ALMS1: variants seen among roughly 807,000 people sequenced by gnomAD.
The protein encoded by ALMS1 is ALMS1 centrosome and basal body associated protein.
A neutral mutation model predicts 352.2 loss-of-function variants in ALMS1; 271 were observed. The ratio of observed to expected loss-of-function variants is 0.77; its 90% confidence interval spans 0.70 to 0.85. The LOEUF (loss-of-function observed/expected upper bound fraction) is 0.85, where lower values mean the gene tolerates loss of function less well. Among genes scored for constraint, ALMS1 ranks in the 40% least tolerant of loss-of-function variants. The probability of loss-of-function intolerance (pLI) is 0.00; values close to 1 mark genes in which losing one functional copy is unlikely to be tolerated. For missense variants in ALMS1, 5,445 were observed against 4,870.7 expected (o/e 1.12, Z -3.51); for synonymous variants, 1,865 against 1,761.2 (o/e 1.06, Z -1.48).
At position 73,544,380 on chromosome 2, in the gene ALMS1, G is replaced by A. The variant is rs182928763; in HGVS notation, c.9908-5887G>A. ...GGGCCTGTTGTGGGGTGGGGGAAGC[G>A]GGGAGGGATAGCATTAGGAGATATA... is the stretch of plus-strand genomic sequence containing the variant. On this transcript the variant is annotated intron_variant, in intron 12 of 22. Coordinates refer to ENST00000613296, the MANE Select transcript of ALMS1 (RefSeq NM_001378454.1). 1.2e-4 allele frequency among the ~76,000 whole-genome samples: 18 copies of A among 152,254 alleles called. No individual in the cohort carries two copies. In the East Asian group the frequency reaches 2.9e-3, roughly 24 times the overall value.
intron 9 of ALMS1, among the ~76,000 whole-genome samples, chr2:73,472,795 G>A (rs1270252935): frequency 1.3e-5 from 2 of 152,090 alleles, no homozygotes; most frequent in Middle Eastern, 3.4e-3. Context: ...AATTGTGATC[G>A]TTTTAACCTG....
At chr2:73,473,486 A>T (rs991384539) in intron 9 of ALMS1, among the ~76,000 whole-genome samples, 1 of 152,190 alleles carries the variant, frequency 6.6e-6, no homozygotes, top group Non-Finnish European at 1.5e-5. Flanking sequence ...ATAATATTCA[A>T]TATGTCCAGT....
rs753529210 is a variant in ALMS1 at position 73,450,756 on chromosome 2, C to T, written c.4229C>T (p.Ala1410Val). Residue 1410 changes from alanine (A) to valine (V), a missense_variant, in exon 8 of 23, where the codon GCG (alanine) becomes GTG (valine). Ala to Val is a moderately conservative substitution (Grantham distance 64, BLOSUM62 0). Transcript: ENST00000613296. ...ACTGAAGAGGCTAAGAACGTTTCAG[C>T]GGTTCCTGGACCAGGTGACCGGAAG... ...HLTEEAKNVS[A>V]VPGPGDRKTG... 26 of 1,613,070 alleles carry T rather than the reference C, an allele frequency of 1.6e-5. No homozygotes were observed. Among genetic ancestry groups the T allele is most frequent in the South Asian group, 8.8e-5 (8 of 91,052 alleles).
chr2:73,572,430 A>AT lies in ALMS1; in HGVS notation c.10554dup (p.Pro3519SerfsTer5), dbSNP rs766152189. The AT allele has an allele frequency of 6.2e-7, 1 of 1,613,516 alleles. No individual in the cohort carries two copies. Among genetic ancestry groups the AT allele is most frequent in the Non-Finnish European group, 8.5e-7 (1 of 1,179,896 alleles). On this transcript the variant is annotated frameshift_variant, in exon 16 of 23. Transcript: ENST00000613296. LOFTEE classifies it high-confidence loss of function. ...TCTTGGAAAGATTTCTTTCAGCATC[A>AT]TCCAGACAAACATAGAGAACACATG...
At chr2:73,580,376 A>G (rs1261422156) in intron 16 of ALMS1, among the ~76,000 whole-genome samples, 1 of 152,028 alleles carries the variant, frequency 6.6e-6, no homozygotes, top group East Asian at 1.9e-4. Flanking sequence ...TTTTCATTTT[A>G]GCTCTTGTAC....
intron 8 of ALMS1, 58 bp from the exon 9 acceptor site, chr2:73,455,104 T>C (rs1156855693): frequency 1.1e-5 from 18 of 1,580,572 alleles, no homozygotes; most frequent in Non-Finnish European, 1.5e-5. Context: ...TGTGTTGCAA[T>C]TGTTGACAAA....
At chr2:73,403,551 T>G (rs1670913896) in intron 1 of ALMS1, among the ~76,000 whole-genome samples, 1 of 152,144 alleles carries the variant, frequency 6.6e-6, no homozygotes, top group South Asian at 2.1e-4. Flanking sequence ...AGATTTTTTT[T>G]TCTATTTTTG....
In ALMS1 at chr2:73,568,995, C is replaced by CTTTTTTTTTTTTTTTT. The variant is rs747436819; in HGVS notation, c.10385-3245_10385-3230dup. Among the ~76,000 whole-genome samples the CTTTTTTTTTTTTTTTT allele has an allele frequency of 2.4e-4, 13 of 53,558 alleles. 4 individuals are homozygous for CTTTTTTTTTTTTTTTT. Among genetic ancestry groups the CTTTTTTTTTTTTTTTT allele is most frequent in the Non-Finnish European group, 4.1e-4 (12 of 29,536 alleles). The allele number at this position is 53,558 out of a possible 152,430, so 35.1% of individuals were successfully genotyped here. ...AGCTTGCTTGCTGCTGCTTCTGCTT[C>CTTTTTTTTTTTTTTTT]TTTTTTTTTTTTTTTTTTTTTTTTT... On this transcript the variant is annotated intron_variant, in intron 15 of 22. Transcript: ENST00000613296.
In ALMS1 at chr2:73,451,176, T is replaced by G. The variant is rs779968623; in HGVS notation, c.4649T>G (p.Val1550Gly). The G allele has an allele frequency of 1.4e-5, 22 of 1,613,790 alleles. No individual in the cohort carries two copies. Among genetic ancestry groups the G allele is most frequent in the Non-Finnish European group, 1.9e-5 (22 of 1,179,914 alleles). Residue 1550 changes from valine (V) to glycine (G), a missense_variant, in exon 8 of 23, where the codon GTT becomes GGT. Coordinates refer to ENST00000613296, the MANE Select transcript of ALMS1 (RefSeq NM_001378454.1). ...CAAATACCTGAAGAGGCTCTCAGAGTTTCTTCTGCTCCTGGACCAGCTGAC... is the reference window on the plus strand; with the variant it reads ...CAAATACCTGAAGAGGCTCTCAGAGGTTCTTCTGCTCCTGGACCAGCTGAC... ...GSQIPEEALR[V>G]SSAPGPADQT...
chr2:73,583,256 G>A (rs1304839208), intron 16 of ALMS1, among the ~76,000 whole-genome samples: 1 of 151,498 alleles, frequency 6.6e-6, no homozygotes, highest in East Asian at 1.9e-4. Context: ...TCGAGCTCCT[G>A]GGCTCAAGCA....
intron 11 of ALMS1, among the ~76,000 whole-genome samples, chr2:73,522,187 C>A (rs867251462): frequency 6.6e-6 from 1 of 152,146 alleles, no homozygotes; most frequent in Non-Finnish European, 1.5e-5. Flanking sequence ...TCAGGTCCAT[C>A]GCCATGTGAT....
At chr2:73,422,765 G>A in intron 3 of ALMS1, 92 bp from the exon 4 acceptor site, 2 of 983,124 alleles carry the variant, frequency 2.0e-6, no homozygotes, top group Non-Finnish European at 3.3e-6. Flanking sequence ...TTCTCCATAT[G>A]GCAGCATATG....
At chr2:73,506,138 T>C (rs750742258) in intron 10 of ALMS1, among the ~76,000 whole-genome samples, 6 of 152,188 alleles carry the variant, frequency 3.9e-5, no homozygotes, top group African/African-American at 1.4e-4. Context: ...CTCTGTTCCA[T>C]TGGTCTATGT....
chr2:73,485,634 T>G (rs1376593257), intron 9 of ALMS1, among the ~76,000 whole-genome samples: 2 of 152,224 alleles, frequency 1.3e-5, no homozygotes, highest in Non-Finnish European at 2.9e-5. Context: ...TTTGTTTACC[T>G]AAGCAAGCCT....
intron 16 of ALMS1, among the ~76,000 whole-genome samples, chr2:73,587,829 T>C (rs919091119): frequency 2.0e-5 from 3 of 152,106 alleles, no homozygotes; most frequent in Non-Finnish European, 4.4e-5. Context: ...AGAAACAAAA[T>C]GGGAGATATT....
intron 20 of ALMS1, 121 bp downstream of exon 20, chr2:73,602,489 G>C (rs749957953): frequency 8.1e-7 from 1 of 1,230,958 alleles, no homozygotes; most frequent in East Asian, 2.5e-5. Flanking sequence ...GTGACCTTTT[G>C]CTTGCCAAGA....
intron 16 of ALMS1, among the ~76,000 whole-genome samples, chr2:73,598,552 C>A (rs1210623855): frequency 6.6e-6 from 1 of 152,122 alleles, no homozygotes; most frequent in African/African-American, 2.4e-5. Context: ...TTATCTAGTT[C>A]AAGGGATCAG....
At chr2:73,401,588 T>G (rs1031831462) in intron 1 of ALMS1, among the ~76,000 whole-genome samples, 8 of 152,194 alleles carry the variant, frequency 5.3e-5, no homozygotes, top group Admixed American at 5.2e-4. Flanking sequence ...TGTATATATT[T>G]ATACATCATG....
Position 73,451,077 on chromosome 2 carries a change from C to A in ALMS1, c.4550C>A (p.Thr1517Asn). 2.5e-6 allele frequency: 4 copies of A among 1,613,936 alleles called. No homozygotes were observed. Among genetic ancestry groups the A allele is most frequent in the Non-Finnish European group, 2.5e-6 (3 of 1,179,968 alleles). Residue 1517 changes from threonine to asparagine, a missense_variant, in exon 8 of 23, where the codon ACT becomes AAT. Transcript: ENST00000613296. The stretch of plus-strand genomic sequence containing the variant: ...GTTGGCCAGACAACTGGCGCACCAA[C>A]TATAACCTCTCCTTCCTACTCACAA... ...GPVGQTTGAP[T>N]ITSPSYSQHR...
Sources: gnomAD v4.1 joint callset for allele counts (sites outside exome capture counted in the v4.1 genomes callset) on GRCh38, gnomAD v4.1.1 for gene constraint, MANE v1.5 for transcripts, NCBI Gene and HGNC (gene_info 2026-07-23, HGNC 2026-07-21) for gene names.